Variants in C14orf39 observed in about 807,000 individuals in gnomAD.
C14orf39 encodes the protein protein SIX6OS1.
C14orf39 carries 66 observed loss-of-function variants against 85.6 expected under a neutral mutation model. The observed-to-expected ratio is 0.77, with a 90% confidence interval of 0.63 to 0.95. The LOEUF (loss-of-function observed/expected upper bound fraction) is 0.95, where lower values mean the gene tolerates loss of function less well. C14orf39 is among the 40% of genes least tolerant of loss of function. C14orf39 has a pLI of 0.00. For missense variants in C14orf39, 735 were observed against 663.9 expected (o/e 1.11, Z -1.18); for synonymous variants, 242 against 214.0 (o/e 1.13, Z -1.14).
In C14orf39 at chr14:60,441,036, A is replaced by AT. The variant is rs1222979752; in HGVS notation, c.1561+1037dup. 2.6e-5 allele frequency among the ~76,000 whole-genome samples: 4 copies of AT among 152,150 alleles called. No individual in the cohort carries two copies. The East Asian group carries it at 7.7e-4, about 29-fold the overall frequency. On this transcript the variant is annotated intron_variant, in intron 17 of 17. Transcript: ENST00000321731. ...TGCTGCATAGTATTTATCACCAACA[A>AT]TAAGTAAAAAATTAACATCAAGCCT...
At chr14:60,450,352 G>C (rs1890975573) in intron 16 of C14orf39, among the ~76,000 whole-genome samples, 1 of 152,074 alleles carries the variant, frequency 6.6e-6, no homozygotes, top group South Asian at 2.1e-4. Context: ...ACTGGGCTTC[G>C]AGTGGATATC....
chr14:60,506,557 C>T (rs867641403), intron 1 of C14orf39, among the ~76,000 whole-genome samples: 1 of 152,214 alleles, frequency 6.6e-6, no homozygotes, highest in Non-Finnish European at 1.5e-5. Context: ...CCTTGTGAAG[C>T]TGGTGAACAA....
At chr14:60,513,477 C>G (rs1893323223) in intron 1 of C14orf39, among the ~76,000 whole-genome samples, 1 of 152,174 alleles carries the variant, frequency 6.6e-6, no homozygotes. Context: ...TAAGTGCCTC[C>G]TTTGCCTCAT....
At chr14:60,472,598 G>C (rs1236359436) in intron 5 of C14orf39, among the ~76,000 whole-genome samples, 1 of 152,030 alleles carries the variant, frequency 6.6e-6, no homozygotes, top group Non-Finnish European at 1.5e-5. Context: ...TCCCCTTCCT[G>C]TGTCCATGTG....
At chr14:60,486,132 C>CAGATCGCGCTGAAGAGCAGCG (rs1311099262), upstream of C14orf39, 2 of 152,256 alleles carry the variant, frequency 1.3e-5, no homozygotes, top group Admixed American at 1.3e-4. Flanking sequence ...GCGGGAGCCG[C>CAGATCGCGCTGAAGAGCAGCG]AGATCGCGCT....
Position 60,484,048 on chromosome 14 carries a change from A to C in C14orf39, c.107-231T>G, listed in dbSNP as rs144968574. Among the ~76,000 whole-genome samples the C allele has an allele frequency of 5.3e-5, 8 of 152,308 alleles. No individual in the cohort carries two copies. The highest frequency in any genetic ancestry group is 1.9e-4 in the African/African-American group (8 of 41,566). On this transcript the variant is annotated intron_variant, in intron 3 of 17. Transcript: ENST00000321731. The surrounding 1 kb of genome is among the most constrained non-coding windows in gnomAD (Gnocchi z 4.2). ...ATTTTCAGTTTGGGAATGATGAAAA[A>C]ATAAATGTCCCTTGTACCTCATCTT... is the stretch of plus-strand genomic sequence containing the variant.
chr14:60,460,483 G>T (rs1264129015), intron 13 of C14orf39, among the ~76,000 whole-genome samples: 3 of 151,764 alleles, frequency 2.0e-5, no homozygotes, highest in Non-Finnish European at 4.4e-5. Context: ...ATTTCATGCT[G>T]TCAGAATAAG....
chr14:60,437,031 C>A lies in C14orf39; in HGVS notation c.1578G>T (p.Lys526Asn). ...ATGTAAAGCCATCTTCTCCTTCTGG[C>A]TTCTCAAGTAAGTTTCCTAAGGAAG... The part of the protein sequence containing the change: ...SEQEIGNLLE[K>N]PEGEDGFTFS... Residue 526 changes from lysine to asparagine, a missense_variant, in exon 18 of 18, where the codon AAG becomes AAT. Transcript: ENST00000321731. 1 of 1,605,092 alleles carries A rather than the reference C, an allele frequency of 6.2e-7. No individual in the cohort carries two copies. Among genetic ancestry groups the A allele is most frequent in the Non-Finnish European group, 8.5e-7 (1 of 1,176,922 alleles).
chr14:60,508,062 C>T (rs1893229616), intron 1 of C14orf39, among the ~76,000 whole-genome samples: 4 of 152,180 alleles, frequency 2.6e-5, no homozygotes, highest in Admixed American at 1.3e-4. Flanking sequence ...TTCCTCACTA[C>T]AGGAGGGGTC....
chr14:60,465,709 G>A (rs1351745779), intron 11 of C14orf39, among the ~76,000 whole-genome samples: 1 of 151,950 alleles, frequency 6.6e-6, no homozygotes, highest in Non-Finnish European at 1.5e-5. Flanking sequence ...TATGTACAGA[G>A]CTTGGTATTT....
At chr14:60,488,882 G>A (rs932294783), upstream of C14orf39, among the ~76,000 whole-genome samples, 1 of 151,594 alleles carries the variant, frequency 6.6e-6, no homozygotes, top group African/African-American at 2.4e-5. Flanking sequence ...TAAACTCTCT[G>A]CAATCCTGAC....
chr14:60,509,651 G>A (rs1376068996), intron 1 of C14orf39: 5 of 1,613,948 alleles, frequency 3.1e-6, no homozygotes, highest in Admixed American at 1.7e-5. Context: ...GGAGTCGCAC[G>A]CCAAGCTGCA....
chr14:60,461,716 TATCAACATC>T, intron 11 of C14orf39, 123 bp from the exon 12 acceptor site: 2 of 544,010 alleles, frequency 3.7e-6, no homozygotes, highest in Non-Finnish European at 6.5e-6. Context: ...TTACCATCAT[TATCAACATC>T]AACAACTACA....
intron 7 of C14orf39, among the ~76,000 whole-genome samples, chr14:60,470,397 T>C (rs1002692013): frequency 4.6e-5 from 7 of 151,922 alleles, no homozygotes; most frequent in African/African-American, 1.7e-4. Context: ...ATATGCATGA[T>C]TTATATGCTA....
At position 60,499,589 on chromosome 14, in the gene C14orf39, T is replaced by C. The variant is rs570030359; in HGVS notation, c.-143-159A>G. ...TAAAATGTTTTTAATCTAAGAATAG[T>C]AGGAGAAGGAAATACAGATTATTTT... On this transcript the variant is annotated intron_variant, in intron 1 of 5. Transcript: ENST00000556799. Among the ~76,000 whole-genome samples, 11 of 152,316 alleles carry C rather than the reference T, an allele frequency of 7.2e-5. No individual in the cohort carries two copies. The South Asian group carries it at 1.7e-3, about 23-fold the overall frequency.
At position 60,485,943 on chromosome 14, in the gene C14orf39, A is replaced by T. The variant is rs1892872168; in HGVS notation, c.-9+2T>A. 1 of 152,114 alleles carries T rather than the reference A, an allele frequency of 6.6e-6. No homozygotes were observed. Among genetic ancestry groups the T allele is most frequent in the Non-Finnish European group, 1.5e-5 (1 of 68,324 alleles). 9.4% of individuals were successfully genotyped at this position (152,114 alleles called of 1,614,324 possible). A position where few individuals can be genotyped will look rare whatever the true frequency, so the allele number is the denominator to read the frequency against. On this transcript the variant is annotated splice_donor_variant, in intron 1 of 17. Transcript: ENST00000321731. LOFTEE classifies it low-confidence loss of function (5UTR_SPLICE). Reference sequence around the variant, plus strand: ...CCACATGCAGCTCCCTTCCACACGCACCTAAACAGCTCCTCTGGACCCGAA... The same window carrying T: ...CCACATGCAGCTCCCTTCCACACGCTCCTAAACAGCTCCTCTGGACCCGAA...
intron 16 of C14orf39, among the ~76,000 whole-genome samples, chr14:60,447,724 C>T (rs1890839340): frequency 6.6e-6 from 1 of 152,136 alleles, no homozygotes; most frequent in South Asian, 2.1e-4. Context: ...CAAAAAAAGC[C>T]CGCATAGCCA....
intron 1 of C14orf39, chr14:60,512,992 C>T (rs970892078): frequency 6.6e-6 from 1 of 152,146 alleles, no homozygotes; most frequent in Non-Finnish European, 1.5e-5. Context: ...GCAAACCAAA[C>T]AAAAATAAGT....
chr14:60,438,799 A>G (rs1198609962), intron 17 of C14orf39, among the ~76,000 whole-genome samples: 1 of 152,156 alleles, frequency 6.6e-6, no homozygotes, highest in African/African-American at 2.4e-5. Context: ...GATTGCAAGA[A>G]GTAAAAAGCA....
Sources: gnomAD v4.1 joint callset for allele counts (sites outside exome capture counted in the v4.1 genomes callset) on GRCh38, gnomAD v4.1.1 for gene constraint, Gnocchi (gnomAD v3.1) non-coding constraint, MANE v1.5 for transcripts, NCBI Gene and HGNC (gene_info 2026-07-23, HGNC 2026-07-21) for gene names.